KLF17: variants seen among roughly 807,000 people sequenced by gnomAD.
KLF17 encodes Krueppel-like factor 17.
In KLF17, 31 loss-of-function variants were observed where a neutral mutation model predicts 34.2. The ratio of observed to expected loss-of-function variants is 0.91; its 90% confidence interval spans 0.68 to 1.22. KLF17 has a LOEUF of 1.22. Among genes scored for constraint, KLF17 ranks in the 50% most tolerant of loss-of-function variants. The pLI is 0.00. For synonymous variants in KLF17, 179 were observed against 186.7 expected (o/e 0.96, Z 0.34); for missense variants, 478 against 505.2 (o/e 0.95, Z 0.52).
the KLF17 span, among the ~76,000 whole-genome samples, chr1:44,060,262 G>C: frequency 6.6e-6 from 1 of 152,090 alleles, no homozygotes; most frequent in Non-Finnish European, 1.5e-5. Flanking sequence ...TTGAGGTCAG[G>C]AGTTAGAGAC....
the KLF17 span, among the ~76,000 whole-genome samples, chr1:44,078,306 C>T: frequency 1.3e-5 from 2 of 152,194 alleles, no homozygotes; most frequent in Non-Finnish European, 2.9e-5. Context: ...CTTTGTGATA[C>T]TGGAGCCAGA....
the KLF17 span, chr1:44,046,119 T>C: frequency 7.8e-6 from 1 of 128,590 alleles, no homozygotes; most frequent in African/African-American, 2.9e-5. Flanking sequence ...ATCCACAAGA[T>C]TTGGTAAAGG....
chr1:44,101,852 C>G, the KLF17 span, among the ~76,000 whole-genome samples: 21 of 151,926 alleles, frequency 1.4e-4, no homozygotes, highest in African/African-American at 4.8e-4. Context: ...TGTAGTGAAA[C>G]CGTGTTTCTC....
chr1:44,129,217 G>T (rs2088068854), intron 1 of KLF17, 136 bp from the exon 2 acceptor site: 11 of 1,077,368 alleles, frequency 1.0e-5, no homozygotes, highest in Non-Finnish European at 1.4e-5. Context: ...CCCAAGCTGG[G>T]AAATGGTCTG....
Position 44,129,746 on chromosome 1 carries a change from C to CTAGTCT in KLF17, c.475_476insTAGTCT (p.Pro159delinsLeuValSer). On this transcript the variant is annotated protein_altering_variant, in exon 2 of 4. Transcript: ENST00000372299. ...TCTAAGGATGCCCCCCAATGGGCTG[C>CTAGTCT]CAGTCTCGGCTTCCACTGGAATCCC... The CTAGTCT allele has an allele frequency of 6.2e-7, 1 of 1,614,160 alleles. No individual in the cohort carries two copies. The highest frequency in any genetic ancestry group is 8.5e-7 in the Non-Finnish European group (1 of 1,180,020).
At chr1:44,104,050 T>A in the KLF17 span, 3 of 872,414 alleles carry the variant, frequency 3.4e-6, no homozygotes, top group Non-Finnish European at 5.9e-6. Flanking sequence ...ACCACAGACG[T>A]GGCGGAGATC....
chr1:44,096,404 C>CTTTTTTTTTTTT, the KLF17 span, among the ~76,000 whole-genome samples: 1 of 144,350 alleles, frequency 6.9e-6, no homozygotes. Context: ...ATTTATTTTT[C>CTTTTTTTTTTTT]TTTTTTTTTT....
the KLF17 span, chr1:44,104,445 C>A: frequency 3.7e-6 from 3 of 817,732 alleles, no homozygotes; most frequent in African/African-American, 5.1e-5. Flanking sequence ...CCCCAGGAAC[C>A]GCACCTTGTC....
chr1:44,059,394 A>G, the KLF17 span, among the ~76,000 whole-genome samples: 1 of 152,170 alleles, frequency 6.6e-6, no homozygotes, highest in Admixed American at 6.5e-5. Flanking sequence ...TGATTTCCTC[A>G]TTACCCTGAT....
the KLF17 span, among the ~76,000 whole-genome samples, chr1:44,109,976 C>T: frequency 3.9e-3 from 578 of 146,990 alleles, 3 homozygotes; most frequent in Middle Eastern, 7.4e-3. Flanking sequence ...GGCACGATCT[C>T]GGCTCACTGC....
At chr1:44,062,658 GTGATCCAT>G in the KLF17 span, among the ~76,000 whole-genome samples, 1 of 150,408 alleles carries the variant, frequency 6.6e-6, no homozygotes, top group Non-Finnish European at 1.5e-5. Flanking sequence ...CGAGGCCGCA[GTGATCCAT>G]GATCACGCCA....
chr1:44,076,895 C>A, the KLF17 span: 1 of 119,834 alleles, frequency 8.3e-6, no homozygotes, highest in African/African-American at 3.1e-5. Context: ...CATGCCTGGC[C>A]TTTTTTTTTT....
chr1:44,046,492 A>G, the KLF17 span, among the ~76,000 whole-genome samples: 1 of 151,522 alleles, frequency 6.6e-6, no homozygotes, highest in Non-Finnish European at 1.5e-5. Context: ...AAGTACTGCA[A>G]TTACAGGCAT....
the KLF17 span, among the ~76,000 whole-genome samples, chr1:44,059,293 A>G: frequency 6.6e-6 from 1 of 152,160 alleles, no homozygotes; most frequent in South Asian, 2.1e-4. Context: ...TGCTTTAGCC[A>G]ACCTCTTGGG....
At chr1:44,128,074 T>C (rs1442982365) in intron 1 of KLF17, among the ~76,000 whole-genome samples, 1 of 152,140 alleles carries the variant, frequency 6.6e-6, no homozygotes, top group Non-Finnish European at 1.5e-5. Context: ...GCTACAGTAA[T>C]GGACTTTTTT....
chr1:44,078,243 G>T, the KLF17 span, among the ~76,000 whole-genome samples: 1 of 152,150 alleles, frequency 6.6e-6, no homozygotes, highest in Non-Finnish European at 1.5e-5. Context: ...TAGTTACACA[G>T]TTACTATGCA....
the KLF17 span, among the ~76,000 whole-genome samples, chr1:44,113,606 A>G: frequency 6.6e-6 from 1 of 152,178 alleles, no homozygotes; most frequent in African/African-American, 2.4e-5. Flanking sequence ...CACTCCAGGC[A>G]GAGAAACAAG....
chr1:44,116,655 C>T (rs2087881994), upstream of KLF17, among the ~76,000 whole-genome samples: 1 of 152,248 alleles, frequency 6.6e-6, no homozygotes, highest in Non-Finnish European at 1.5e-5. Context: ...TGACCTCCGT[C>T]TTGCCAAATC....
At chr1:44,050,383 T>C in the KLF17 span, among the ~76,000 whole-genome samples, 4 of 152,350 alleles carry the variant, frequency 2.6e-5, no homozygotes, top group Middle Eastern at 3.4e-3. Flanking sequence ...AGTTTACTAT[T>C]GCCATGGCAA....
Sources: allele counts gnomAD v4.1 joint callset (sites outside exome capture counted in the v4.1 genomes callset), GRCh38; gene constraint gnomAD v4.1.1; transcripts MANE v1.5; gene names NCBI Gene and HGNC (gene_info 2026-07-23, HGNC 2026-07-21).